The following SLC26A5 variants were observed in gnomAD, a reference collection of about 807,000 sequenced individuals.
SLC26A5 encodes prestin.
SLC26A5 carries 51 observed loss-of-function variants against 81.0 expected under a neutral mutation model. That is an observed-to-expected ratio of 0.63 (90% CI 0.50 to 0.80). The LOEUF is 0.80. Ranked by LOEUF, SLC26A5 falls within the 30% of genes least tolerant of loss-of-function variation. SLC26A5 has a pLI of 0.00. For synonymous variants in SLC26A5, 325 were observed against 332.8 expected, an observed-to-expected ratio of 0.98 and a Z score of 0.25; for missense variants, 771 against 905.8, an observed-to-expected ratio of 0.85 and a Z score of 1.91.
At chr7:103,423,413 T>C (rs1334042582) in intron 2 of SLC26A5, among the ~76,000 whole-genome samples, 1 of 152,212 alleles carries the variant, frequency 6.6e-6, no homozygotes, top group Non-Finnish European at 1.5e-5. Context: ...TGCAACCAAG[T>C]ACCACCAAGG....
At chr7:103,380,426 A>C (rs891203676) in intron 15 of SLC26A5, 54 bp downstream of exon 15, 33 of 1,444,008 alleles carry the variant, frequency 2.3e-5, no homozygotes, top group Non-Finnish European at 3.2e-5. Flanking sequence ...AACAGTACTT[A>C]GCCAAGCACA....
intron 4 of SLC26A5, among the ~76,000 whole-genome samples, chr7:103,418,057 T>C (rs941560182): frequency 3.9e-5 from 6 of 152,160 alleles, no homozygotes; most frequent in Admixed American, 3.9e-4. Context: ...CTTTATTATG[T>C]CTGCAATTGG....
At position 103,367,615 on chromosome 7, in the gene SLC26A5, G is replaced by C; in HGVS notation, c.2041+9193C>G. ...TTGAATTTAGCTTGCCCGATCTAGAGGTAAGAAAACCATTTCATTTTAGGA... is the reference window on the plus strand; with the variant it reads ...TTGAATTTAGCTTGCCCGATCTAGACGTAAGAAAACCATTTCATTTTAGGA... On this transcript the variant is annotated intron_variant, in intron 19 of 19. Transcript: ENST00000339444. This position sits in a 1 kb window ranked among gnomAD's most constrained non-coding sequence, Gnocchi z 6.1. 6.2e-7 allele frequency: 1 copy of C among 1,613,654 alleles called. No individual in the cohort carries two copies. Among genetic ancestry groups the C allele is most frequent in the Non-Finnish European group, 8.5e-7 (1 of 1,179,856 alleles).
At chr7:103,415,910 T>C (rs1482427844) in intron 4 of SLC26A5, among the ~76,000 whole-genome samples, 2 of 152,206 alleles carry the variant, frequency 1.3e-5, no homozygotes, top group African/African-American at 4.8e-5. Context: ...CTGGAAGTCC[T>C]ATTAGATGTA....
intron 3 of SLC26A5, 32 bp from the exon 4 acceptor site, chr7:103,420,909 T>A (rs556377304): frequency 3.8e-6 from 6 of 1,583,720 alleles, no homozygotes; most frequent in Non-Finnish European, 3.5e-6. Context: ...GAGATAAAGT[T>A]ATAAATGAGA....
At position 103,386,646 on chromosome 7, in the gene SLC26A5, TA is replaced by T. The variant is rs752656836; in HGVS notation, c.1514+2361del. 1.9e-4 allele frequency among the ~76,000 whole-genome samples: 29 copies of T among 151,858 alleles called. 1 individual carries two copies. The highest frequency in any genetic ancestry group is 7.0e-4 in the African/African-American group (29 of 41,446). On this transcript the variant is annotated intron_variant, in intron 14 of 19. Transcript: ENST00000306312. ...TAAAGACTAAGTAAATAAAAATAAATAAAATTTATGATAAGATACCATAAAA... is the reference window on the plus strand; with the variant it reads ...TAAAGACTAAGTAAATAAAAATAAATAAATTTATGATAAGATACCATAAAA...
intron 2 of SLC26A5, among the ~76,000 whole-genome samples, chr7:103,441,568 T>G (rs552232369): frequency 1.4e-4 from 21 of 152,330 alleles, no homozygotes; most frequent in African/African-American, 5.1e-4. Flanking sequence ...AAAGTTCACA[T>G]TTCAGCTACG....
intron 8 of SLC26A5, among the ~76,000 whole-genome samples, chr7:103,406,247 G>C (rs1824040213): frequency 6.6e-6 from 1 of 152,162 alleles, no homozygotes; most frequent in Non-Finnish European, 1.5e-5. Flanking sequence ...CCTGCAGCTA[G>C]CTCAGTGTCT....
At chr7:103,430,076 CTTT>C (rs34122107) in intron 2 of SLC26A5, among the ~76,000 whole-genome samples, 24,643 of 137,032 alleles carry the variant, frequency 0.18, 2,696 homozygotes, top group East Asian at 0.38. Context: ...GGAAATGGCA[CTTT>C]TTTTTTTTTT....
intron 8 of SLC26A5, among the ~76,000 whole-genome samples, chr7:103,406,603 G>A (rs1357858920): frequency 6.6e-6 from 1 of 151,900 alleles, no homozygotes; most frequent in Non-Finnish European, 1.5e-5. Flanking sequence ...GAAGGGAGCT[G>A]CAGACCAGAG....
At chr7:103,364,404 T>C (rs2116248138) in intron 19 of SLC26A5, 1 of 1,375,880 alleles carries the variant, frequency 7.3e-7, no homozygotes, top group South Asian at 1.3e-5. Flanking sequence ...GATCCAGACC[T>C]GAAATTTCTT....
chr7:103,367,052 T>G lies in SLC26A5; in HGVS notation c.2041+9756A>C, dbSNP rs955612149. ...ACTCCTGAGGACAAGTTATTTTAAC[T>G]AATCTCTGAGCCTCAGTTTGCTCAT... On this transcript the variant is annotated intron_variant, in intron 19 of 19. Transcript: ENST00000339444. This position sits in a 1 kb window ranked among gnomAD's most constrained non-coding sequence, Gnocchi z 6.1. 2.0e-5 allele frequency among the ~76,000 whole-genome samples: 3 copies of G among 152,180 alleles called. No homozygotes were observed. The highest frequency in any genetic ancestry group is 4.4e-5 in the Non-Finnish European group (3 of 68,022).
intron 4 of SLC26A5, among the ~76,000 whole-genome samples, chr7:103,416,610 C>G (rs1185356047): frequency 1.3e-5 from 2 of 152,180 alleles, no homozygotes; most frequent in Non-Finnish European, 2.9e-5. Context: ...CCAGCTTTCA[C>G]AATACTTGGA....
chr7:103,397,313 G>A (rs556121591), intron 9 of SLC26A5, among the ~76,000 whole-genome samples: 194 of 151,636 alleles, frequency 1.3e-3, no homozygotes, highest in Non-Finnish European at 2.0e-3. Flanking sequence ...AGGCCAAGGC[G>A]GGTGGATCAC....
At chr7:103,430,599 T>TCTGCCTGCTGTTCCAGCA in intron 2 of SLC26A5, among the ~76,000 whole-genome samples, 1 of 151,798 alleles carries the variant, frequency 6.6e-6, no homozygotes. Context: ...CCAGAGAGGA[T>TCTGCCTGCTGTTCCAGCA]GGCTTTGGAG....
intron 14 of SLC26A5, among the ~76,000 whole-genome samples, chr7:103,382,903 C>T (rs1264184227): frequency 6.6e-6 from 1 of 152,160 alleles, no homozygotes; most frequent in African/African-American, 2.4e-5. Flanking sequence ...GGCTCAAGGT[C>T]TTTGATTTGA....
chr7:103,377,687 A>G lies in SLC26A5; in HGVS notation c.1898T>C (p.Met633Thr). The G allele has an allele frequency of 6.2e-7, 1 of 1,614,156 alleles. No individual in the cohort carries two copies. The highest frequency in any genetic ancestry group is 8.5e-7 in the Non-Finnish European group (1 of 1,180,018). The part of the protein sequence containing the change: ...STFPEEMQRF[M>T]PPGDNVHTVI... The stretch of plus-strand genomic sequence containing the variant: ...AGTGTGGACGTTATCCCCTGGGGGC[A>G]TAAATCTTTGCATTTCCTCAGGAAA... Residue 633 changes from methionine (M) to threonine (T), a missense_variant, in exon 18 of 20, where the codon ATG becomes ACG. Met to Thr is a moderately conservative substitution (Grantham distance 81). Transcript: ENST00000306312.
In SLC26A5 at chr7:103,367,348, C is replaced by G. The variant is rs1820769016; in HGVS notation, c.2041+9460G>C. On this transcript the variant is annotated intron_variant, in intron 19 of 19. Transcript: ENST00000339444. This position sits in a 1 kb window ranked among gnomAD's most constrained non-coding sequence, Gnocchi z 6.1. ...TTTGAGCTGAGATTTTTGGTACTTT[C>G]AGGTCATGCATAGTGCTACTCTTGA... The G allele has an allele frequency of 6.6e-7, 1 of 1,509,102 alleles. No homozygotes were observed. Among genetic ancestry groups the G allele is most frequent in the Non-Finnish European group, 9.2e-7 (1 of 1,091,016 alleles). The allele number at this position is 1,509,102 out of a possible 1,614,324, so 93.5% of individuals were successfully genotyped here. A position where few individuals can be genotyped will look rare whatever the true frequency, so the allele number is the denominator to read the frequency against.
At chr7:103,387,907 C>T (rs1283135175) in intron 14 of SLC26A5, among the ~76,000 whole-genome samples, 1 of 152,140 alleles carries the variant, frequency 6.6e-6, no homozygotes, top group Non-Finnish European at 1.5e-5. Context: ...TGCTCTTGAA[C>T]TCCTGACTTT....
Sources: gnomAD v4.1 joint callset for allele counts (sites outside exome capture counted in the v4.1 genomes callset) on GRCh38, gnomAD v4.1.1 for gene constraint, Gnocchi (gnomAD v3.1) non-coding constraint, MANE v1.5 for transcripts, NCBI Gene and HGNC (gene_info 2026-07-23, HGNC 2026-07-21) for gene names.